Variants in TANC2 observed in about 807,000 individuals in gnomAD.
The protein encoded by TANC2 is protein TANC2.
A neutral mutation model predicts 210.5 loss-of-function variants in TANC2; 26 were observed. That is an observed-to-expected ratio of 0.12 (90% confidence interval 0.09 to 0.17). The LOEUF (loss-of-function observed/expected upper bound fraction) is 0.17, where lower values mean the gene tolerates loss of function less well. Ranked by LOEUF, TANC2 falls within the 10% of genes least tolerant of loss-of-function variation. The pLI is 1.00. For missense variants in TANC2, 2,129 were observed against 2,608.9 expected, an observed-to-expected ratio of 0.82 and a Z score of 4.01; for synonymous variants, 931 against 967.1, an observed-to-expected ratio of 0.96 and a Z score of 0.69.
intron 4 of TANC2, chr17:63,125,221 A>G (rs2038661316): frequency 6.6e-6 from 1 of 152,338 alleles, no homozygotes; most frequent in East Asian, 1.9e-4. Flanking sequence ...TGAAATGAGT[A>G]TAACAACTCC....
intron 5 of TANC2, among the ~76,000 whole-genome samples, chr17:63,159,029 G>T (rs975606869): frequency 6.6e-6 from 1 of 152,186 alleles, no homozygotes; most frequent in African/African-American, 2.4e-5. Flanking sequence ...ACACAACATG[G>T]CACCTTGTTT....
intron 1 of TANC2, among the ~76,000 whole-genome samples, chr17:62,998,640 A>G (rs1006551392): frequency 1.6e-4 from 25 of 152,228 alleles, no homozygotes; most frequent in African/African-American, 4.3e-4. Context: ...AACATTTCCT[A>G]TGTAGCCAAA....
chr17:63,226,284 T>G (rs1439543808), intron 7 of TANC2, among the ~76,000 whole-genome samples: 2 of 152,220 alleles, frequency 1.3e-5, no homozygotes, highest in East Asian at 1.9e-4. Flanking sequence ...AAGTAATCTT[T>G]CCAAAATGTA....
intron 2 of TANC2, among the ~76,000 whole-genome samples, chr17:63,064,219 C>T (rs565867186): frequency 6.6e-6 from 1 of 152,246 alleles, no homozygotes. Context: ...GTTTGAGAGG[C>T]TGAGGCGAAA....
chr17:63,257,911 A>G (rs1029143820), intron 8 of TANC2, among the ~76,000 whole-genome samples: 14 of 152,216 alleles, frequency 9.2e-5, no homozygotes, highest in Admixed American at 3.3e-4. Context: ...TTTATAAATC[A>G]CAATTACAGT....
At chr17:63,142,579 A>T (rs1249907275) in intron 4 of TANC2, among the ~76,000 whole-genome samples, 2 of 152,118 alleles carry the variant, frequency 1.3e-5, no homozygotes, top group Non-Finnish European at 2.9e-5. Flanking sequence ...TGAAAAGCAA[A>T]TAAGTTTATT....
intron 4 of TANC2, among the ~76,000 whole-genome samples, chr17:63,146,145 A>G (rs2039455744): frequency 6.6e-6 from 1 of 151,896 alleles, no homozygotes; most frequent in Non-Finnish European, 1.5e-5. Flanking sequence ...ATGTCTACAT[A>G]TTTTATTTTT....
At chr17:63,153,580 A>G (rs1025256100) in intron 5 of TANC2, 6 of 152,098 alleles carry the variant, frequency 3.9e-5, no homozygotes, top group African/African-American at 1.4e-4. Flanking sequence ...ATTTCTAACA[A>G]AATCTCAGAT....
In TANC2 at chr17:63,163,923, A is replaced by G. The variant is rs570297834; in HGVS notation, c.433+12543A>G. ...CATGTTTGTTTTTTGGCATAAATAC[A>G]TTTGGCTGTTTAAAGACTGGCTACA... On this transcript the variant is annotated intron_variant, in intron 5 of 27. Coordinates refer to ENST00000689528, the Ensembl canonical transcript of TANC2. 5.3e-5 allele frequency among the ~76,000 whole-genome samples: 8 copies of G among 152,318 alleles called. No individual in the cohort carries two copies. The South Asian group carries it at 1.7e-3, about 32-fold the overall frequency.
At chr17:63,315,860 A>C (rs2045297987) in intron 10 of TANC2, among the ~76,000 whole-genome samples, 1 of 152,192 alleles carries the variant, frequency 6.6e-6, no homozygotes, top group South Asian at 2.1e-4. Flanking sequence ...CTTGGAAGAA[A>C]ACTGAATCAA....
intron 9 of TANC2, among the ~76,000 whole-genome samples, chr17:63,309,110 A>T (rs1165703331): frequency 6.6e-6 from 1 of 152,154 alleles, no homozygotes; most frequent in Non-Finnish European, 1.5e-5. Context: ...TTTTTGGTAG[A>T]TACACCATAG....
chr17:63,002,728 GTAA>G (rs1229682037), intron 1 of TANC2, among the ~76,000 whole-genome samples: 1 of 152,050 alleles, frequency 6.6e-6, no homozygotes, highest in Non-Finnish European at 1.5e-5. Context: ...TGGTATAAAT[GTAA>G]TAATGCAATG....
chr17:63,010,486 A>T (rs1294053854), intron 2 of TANC2, among the ~76,000 whole-genome samples: 7 of 148,784 alleles, frequency 4.7e-5, no homozygotes, highest in African/African-American at 1.5e-4. Context: ...TCCTACAGTG[A>T]TTCAATTCAG....
chr17:63,283,188 C>T (rs375776332), intron 9 of TANC2, among the ~76,000 whole-genome samples: 9 of 151,826 alleles, frequency 5.9e-5, no homozygotes, highest in East Asian at 1.9e-4. Context: ...GGGGAAGATA[C>T]GGATACCTAG....
chr17:63,076,891 G>T (rs2036590229), intron 3 of TANC2, among the ~76,000 whole-genome samples: 1 of 152,096 alleles, frequency 6.6e-6, no homozygotes, highest in Admixed American at 6.6e-5. Context: ...AAGGAGGAGT[G>T]TTAAGAAAAA....
chr17:63,129,860 C>A (rs1397781220), intron 4 of TANC2, among the ~76,000 whole-genome samples: 4 of 151,922 alleles, frequency 2.6e-5, no homozygotes, highest in African/African-American at 4.8e-5. Flanking sequence ...CATAGACATT[C>A]AAAACTTTTA....
intron 4 of TANC2, among the ~76,000 whole-genome samples, chr17:63,123,086 G>A (rs549165181): frequency 9.9e-4 from 151 of 152,300 alleles, no homozygotes; most frequent in Non-Finnish European, 1.8e-3. Context: ...GATTTTGGAG[G>A]AATAAGCAGA....
chr17:63,287,880 T>C (rs1017721444), intron 9 of TANC2, among the ~76,000 whole-genome samples: 1 of 152,140 alleles, frequency 6.6e-6, no homozygotes, highest in Admixed American at 6.5e-5. Context: ...TTCACCATGT[T>C]GGCCAGGCTG....
In TANC2 at chr17:63,169,108, T is replaced by G. The variant is rs377063015; in HGVS notation, c.433+17728T>G. ...GGAGAAATGGTCATCAAATGACTCCTGTTCCTGTAACTTTCTCTTTCCTTC... is the reference window on the plus strand; with the variant it reads ...GGAGAAATGGTCATCAAATGACTCCGGTTCCTGTAACTTTCTCTTTCCTTC... On this transcript the variant is annotated intron_variant, in intron 5 of 27. Coordinates refer to ENST00000689528, the Ensembl canonical transcript of TANC2. Among the ~76,000 whole-genome samples, 44 of 152,338 alleles carry G rather than the reference T, an allele frequency of 2.9e-4. No homozygotes were observed. In the East Asian group the frequency reaches 6.0e-3, roughly 21 times the overall value.
Sources: allele counts gnomAD v4.1 joint callset (sites outside exome capture counted in the v4.1 genomes callset), GRCh38; gene constraint gnomAD v4.1.1; transcripts MANE v1.5; gene names NCBI Gene and HGNC (gene_info 2026-07-23, HGNC 2026-07-21).